Variants in CSMD2 observed in about 807,000 individuals in gnomAD.
The protein encoded by CSMD2 is CUB and sushi domain-containing protein 2.
CSMD2 carries 130 observed loss-of-function variants against 398.5 expected under a neutral mutation model. The ratio of observed to expected loss-of-function variants is 0.33; its 90% CI spans 0.28 to 0.38. The LOEUF is 0.38. Among genes scored for constraint, CSMD2 ranks in the 10% least tolerant of loss-of-function variants. The pLI is 1.00. For missense variants in CSMD2, 3,829 were observed against 4,764.9 expected (o/e 0.80, Z 5.78); for synonymous variants, 1,828 against 1,908.5 (o/e 0.96, Z 1.10).
At chr1:33,907,990 G>A (rs1267367817) in intron 5 of CSMD2, among the ~76,000 whole-genome samples, 1 of 145,794 alleles carries the variant, frequency 6.9e-6, no homozygotes, top group Non-Finnish European at 1.5e-5. Context: ...GGGAGGCCGA[G>A]ACAAGAGAAT....
chr1:33,718,978 A>G (rs1646265140), intron 19 of CSMD2, among the ~76,000 whole-genome samples: 1 of 152,174 alleles, frequency 6.6e-6, no homozygotes, highest in African/African-American at 2.4e-5. Context: ...AGCACCTACC[A>G]AGTGCCAGGC....
intron 44 of CSMD2, among the ~76,000 whole-genome samples, chr1:33,589,138 C>T (rs1224073953): frequency 6.6e-6 from 1 of 152,202 alleles, no homozygotes; most frequent in Non-Finnish European, 1.5e-5. Flanking sequence ...AAGAGGCACT[C>T]TTGAGGTAAC....
chr1:34,103,368 G>A lies in CSMD2; in HGVS notation c.188-14175C>T, dbSNP rs188721655. Among the ~76,000 whole-genome samples, 679 of 141,770 alleles carry A rather than the reference G, an allele frequency of 4.8e-3. 3 individuals carry two copies. Among genetic ancestry groups the A allele is most frequent in the Middle Eastern group, 0.023 (6 of 264 alleles). The allele number at this position is 141,770 out of a possible 152,430, so 93.0% of individuals were successfully genotyped here. A position where few individuals can be genotyped will look rare whatever the true frequency, so the allele number is the denominator to read the frequency against. ...GGCTGGAGTGCAGTGGTGCGATCTC[G>A]GCTCACTGCTATCTCCGCCTCCCGG... On this transcript the variant is annotated intron_variant, in intron 1 of 70. Coordinates refer to ENST00000373381, the MANE Select transcript of CSMD2 (RefSeq NM_001281956.2).
intron 5 of CSMD2, among the ~76,000 whole-genome samples, chr1:33,909,121 T>C (rs1332258588): frequency 3.9e-5 from 6 of 152,216 alleles, no homozygotes; most frequent in Admixed American, 3.3e-4. Flanking sequence ...TCTGAGCTGT[T>C]TTCTGAGTGT....
chr1:33,820,899 C>T (rs1325543138), intron 7 of CSMD2, among the ~76,000 whole-genome samples: 3 of 152,152 alleles, frequency 2.0e-5, no homozygotes, highest in Non-Finnish European at 4.4e-5. Flanking sequence ...CCTCCCCCCA[C>T]CACGCCTATG....
intron 6 of CSMD2, among the ~76,000 whole-genome samples, chr1:33,831,209 T>G (rs9725487): frequency 0.78 from 118,817 of 151,502 alleles, 47,419 homozygotes; most frequent in East Asian, 0.93. Context: ...CACATAATTG[T>G]CAGATTCACC....
At chr1:33,823,290 G>A (rs966533137) in intron 7 of CSMD2, among the ~76,000 whole-genome samples, 4 of 152,212 alleles carry the variant, frequency 2.6e-5, no homozygotes, top group Admixed American at 6.5e-5. Flanking sequence ...GGGGATGGTG[G>A]TCCCACGAGG....
intron 10 of CSMD2, among the ~76,000 whole-genome samples, chr1:33,803,087 A>G (rs1447090071): frequency 1.3e-5 from 2 of 152,114 alleles, no homozygotes; most frequent in South Asian, 2.1e-4. Flanking sequence ...TTCCAGCAAG[A>G]CATTTGTCAT....
At chr1:33,762,216 C>A (rs1045778618) in intron 13 of CSMD2, among the ~76,000 whole-genome samples, 9 of 152,228 alleles carry the variant, frequency 5.9e-5, no homozygotes, top group African/African-American at 2.2e-4. Flanking sequence ...ATTGATAGAA[C>A]TTCAAGCTCC....
At chr1:33,825,508 G>C (rs1658697621) in intron 7 of CSMD2, among the ~76,000 whole-genome samples, 189 bp downstream of exon 7, 1 of 152,272 alleles carries the variant, frequency 6.6e-6, no homozygotes, top group Admixed American at 6.5e-5. Flanking sequence ...AGGAGGAGAA[G>C]GCAAAGGGCA....
intron 1 of CSMD2, among the ~76,000 whole-genome samples, chr1:34,121,667 T>C (rs949241837): frequency 6.6e-6 from 1 of 152,136 alleles, no homozygotes; most frequent in Admixed American, 6.5e-5. Flanking sequence ...CTGGGAAGCT[T>C]TGTAAAATCA....
intron 4 of CSMD2, among the ~76,000 whole-genome samples, chr1:33,925,557 AT>A (rs1644098656): frequency 6.6e-6 from 1 of 151,876 alleles, no homozygotes; most frequent in Admixed American, 6.6e-5. Context: ...GAATTTTAGG[AT>A]TGTTTTTTCT....
At chr1:33,695,726 A>G (rs533332489) in intron 24 of CSMD2, among the ~76,000 whole-genome samples, 4 of 152,270 alleles carry the variant, frequency 2.6e-5, no homozygotes, top group Admixed American at 2.0e-4. Flanking sequence ...TCACTCCCCA[A>G]ATGAAGTCTA....
intron 1 of CSMD2, among the ~76,000 whole-genome samples, chr1:34,150,330 C>G (rs1640190734): frequency 1.3e-5 from 2 of 152,060 alleles, no homozygotes; most frequent in South Asian, 4.1e-4. Flanking sequence ...AGCAAGTCTC[C>G]CACCTTAGTC....
At chr1:33,534,997 C>T (rs1655630343) in intron 62 of CSMD2, among the ~76,000 whole-genome samples, 1 of 152,200 alleles carries the variant, frequency 6.6e-6, no homozygotes, top group Non-Finnish European at 1.5e-5. Context: ...TCATTCTCTA[C>T]TCAGCAGCCT....
chr1:33,544,863 A>G (rs1656729085), intron 57 of CSMD2, among the ~76,000 whole-genome samples: 1 of 148,268 alleles, frequency 6.7e-6, no homozygotes. Flanking sequence ...ATACACATAT[A>G]ATCTCTGCCT....
rs528916808 is a variant in CSMD2 at position 33,548,348 on chromosome 1, G to A, written c.8917+1829C>T. On this transcript the variant is annotated intron_variant, in intron 56 of 70. Transcript: ENST00000373381. ...CTGGACAGGATATTGCACCATGGGG[G>A]CAGAGTAGATAGATGGCAACTATTT... is the stretch of plus-strand genomic sequence containing the variant. 3.3e-5 allele frequency among the ~76,000 whole-genome samples: 5 copies of A among 152,322 alleles called. No homozygotes were observed. The East Asian group carries it at 9.7e-4, about 29-fold the overall frequency.
intron 21 of CSMD2, among the ~76,000 whole-genome samples, chr1:33,714,220 C>A (rs146135396): frequency 5.9e-5 from 9 of 152,352 alleles, no homozygotes; most frequent in Non-Finnish European, 1.0e-4. Flanking sequence ...ACAGGCCCAC[C>A]TAGTGCCCAT....
At position 34,164,462 on chromosome 1, in the gene CSMD2, G is replaced by A. The variant is rs1641677736; in HGVS notation, c.187+449C>T. On this transcript the variant is annotated intron_variant, in intron 1 of 70. Transcript: ENST00000373381. This position sits in a 1 kb window ranked among gnomAD's most constrained non-coding sequence, Gnocchi z 6.2. ...GCAGACCTTGCAGACGCAGAAATGGGGAGGGGGCGCACGGTTCCTCTCCAG... is the reference window on the plus strand; with the variant it reads ...GCAGACCTTGCAGACGCAGAAATGGAGAGGGGGCGCACGGTTCCTCTCCAG... Among the ~76,000 whole-genome samples the A allele has an allele frequency of 6.6e-6, 1 of 152,070 alleles. No homozygotes were observed. Among genetic ancestry groups the A allele is most frequent in the Non-Finnish European group, 1.5e-5 (1 of 68,006 alleles).
Sources: gnomAD v4.1 joint callset for allele counts (sites outside exome capture counted in the v4.1 genomes callset) on GRCh38, gnomAD v4.1.1 for gene constraint, Gnocchi (gnomAD v3.1) non-coding constraint, MANE v1.5 for transcripts, NCBI Gene and HGNC (gene_info 2026-07-23, HGNC 2026-07-21) for gene names.